SLC35F1: variants seen among roughly 807,000 people sequenced by gnomAD.
SLC35F1 encodes the protein chromosome 6 open reading frame 169.
A neutral mutation model predicts 48.7 loss-of-function variants in SLC35F1; 14 were observed. The observed-to-expected ratio is 0.29, with a 90% CI of 0.19 to 0.45. The LOEUF (loss-of-function observed/expected upper bound fraction) is 0.45. Among genes scored for constraint, SLC35F1 ranks in the 20% least tolerant of loss-of-function variants. The pLI, the probability that SLC35F1 is intolerant of heterozygous loss-of-function variation, is 1.00. For synonymous variants in SLC35F1, 190 were observed against 202.2 expected (o/e 0.94, Z 0.51); for missense variants, 404 against 500.0 (o/e 0.81, Z 1.83).
intron 1 of SLC35F1, among the ~76,000 whole-genome samples, chr6:118,017,434 G>T (rs1777337228): frequency 6.6e-6 from 1 of 152,214 alleles, no homozygotes; most frequent in Admixed American, 6.5e-5. Context: ...GCTGTTAGCA[G>T]CTAATGAAAT....
chr6:117,969,905 AG>A (rs1449452257), intron 1 of SLC35F1, among the ~76,000 whole-genome samples: 2 of 152,212 alleles, frequency 1.3e-5, no homozygotes, highest in African/African-American at 4.8e-5. Context: ...ATACATTTTT[AG>A]GGTTTTTGAT....
chr6:118,124,733 G>A (rs1328859422), intron 1 of SLC35F1, among the ~76,000 whole-genome samples: 1 of 152,096 alleles, frequency 6.6e-6, no homozygotes, highest in Non-Finnish European at 1.5e-5. Context: ...CTCCTTTTGG[G>A]TAGGACTCAA....
At chr6:118,222,073 AT>A (rs936353499) in intron 2 of SLC35F1, among the ~76,000 whole-genome samples, 5 of 151,758 alleles carry the variant, frequency 3.3e-5, no homozygotes, top group African/African-American at 7.3e-5. Context: ...ATTTTTATTC[AT>A]TTTTTTGTTG....
At chr6:117,924,359 A>G (rs1775990995) in intron 1 of SLC35F1, among the ~76,000 whole-genome samples, 1 of 133,474 alleles carries the variant, frequency 7.5e-6, no homozygotes, top group Admixed American at 7.5e-5. Context: ...ATATGTATAT[A>G]CACACATAGG....
chr6:118,266,967 T>A, intron 3 of SLC35F1, 28 bp from the exon 4 acceptor site: 1 of 1,611,076 alleles, frequency 6.2e-7, no homozygotes, highest in Non-Finnish European at 8.5e-7. Context: ...AATCTCCTGT[T>A]GTTGTTTACC....
At chr6:118,081,674 A>C (rs944683013) in intron 1 of SLC35F1, among the ~76,000 whole-genome samples, 15 of 152,118 alleles carry the variant, frequency 9.9e-5, no homozygotes, top group African/African-American at 3.6e-4. Context: ...ATACAACCTC[A>C]TCTGTTCTTT....
intron 2 of SLC35F1, among the ~76,000 whole-genome samples, chr6:118,193,821 A>C (rs1774765109): frequency 6.6e-6 from 1 of 152,212 alleles, no homozygotes; most frequent in Admixed American, 6.5e-5. Context: ...TAAAGCAGGA[A>C]AGATGAACAA....
At chr6:118,128,233 C>A in intron 1 of SLC35F1, among the ~76,000 whole-genome samples, 1 of 147,990 alleles carries the variant, frequency 6.8e-6, no homozygotes, top group South Asian at 2.2e-4. Flanking sequence ...CTAGTTCAAC[C>A]ATTGTGGAAA....
chr6:118,297,190 A>G (rs1776196920), intron 7 of SLC35F1, among the ~76,000 whole-genome samples: 1 of 152,172 alleles, frequency 6.6e-6, no homozygotes, highest in Non-Finnish European at 1.5e-5. Context: ...TTATATTATC[A>G]ATATTTTAAT....
chr6:118,291,600 A>G (rs1776123768), intron 7 of SLC35F1, among the ~76,000 whole-genome samples: 1 of 152,188 alleles, frequency 6.6e-6, no homozygotes, highest in Admixed American at 6.5e-5. Flanking sequence ...ATAAACATGA[A>G]AGGAACCAAG....
At chr6:118,107,065 A>T (rs1220346910) in intron 1 of SLC35F1, among the ~76,000 whole-genome samples, 1 of 152,194 alleles carries the variant, frequency 6.6e-6, no homozygotes, top group Non-Finnish European at 1.5e-5. Context: ...GTTTTCCCCA[A>T]TGGATGGCAA....
intron 1 of SLC35F1, among the ~76,000 whole-genome samples, chr6:117,980,846 G>A (rs1776767501): frequency 6.6e-6 from 1 of 152,186 alleles, no homozygotes; most frequent in Admixed American, 6.5e-5. Context: ...TAGGCCCAGA[G>A]AGCATTTAAG....
chr6:118,053,579 T>C (rs1772421113), intron 1 of SLC35F1, among the ~76,000 whole-genome samples: 1 of 152,228 alleles, frequency 6.6e-6, no homozygotes. Flanking sequence ...TCACCAATTA[T>C]AATCATAGTG....
chr6:118,010,084 G>C (rs972980162), intron 1 of SLC35F1, among the ~76,000 whole-genome samples: 2 of 152,238 alleles, frequency 1.3e-5, no homozygotes, highest in African/African-American at 4.8e-5. Flanking sequence ...CACTTCTATA[G>C]GTGGGAGTTG....
chr6:118,211,427 A>G (rs891655549), intron 2 of SLC35F1, among the ~76,000 whole-genome samples: 2 of 152,148 alleles, frequency 1.3e-5, no homozygotes, highest in Non-Finnish European at 2.9e-5. Flanking sequence ...CCCACATCAC[A>G]CTCATTAATT....
At chr6:118,182,964 C>A (rs1357605017) in intron 2 of SLC35F1, among the ~76,000 whole-genome samples, 1 of 152,034 alleles carries the variant, frequency 6.6e-6, no homozygotes, top group Non-Finnish European at 1.5e-5. Flanking sequence ...ATCATGATTC[C>A]TCTGTTCAAA....
At chr6:118,265,018 C>T (rs1775754606) in intron 3 of SLC35F1, among the ~76,000 whole-genome samples, 1 of 152,356 alleles carries the variant, frequency 6.6e-6, no homozygotes, top group South Asian at 2.1e-4. Flanking sequence ...CATCACAGTG[C>T]TACTTAGCAT....
At chr6:118,300,430 C>G (rs955225475) in intron 7 of SLC35F1, among the ~76,000 whole-genome samples, 2 of 152,178 alleles carry the variant, frequency 1.3e-5, no homozygotes, top group Non-Finnish European at 2.9e-5. Flanking sequence ...GTTCTTCACA[C>G]TTTTAAGTAT....
chr6:118,076,305 G>A (rs1042670440), intron 1 of SLC35F1, among the ~76,000 whole-genome samples: 16 of 152,180 alleles, frequency 1.1e-4, no homozygotes, highest in Non-Finnish European at 2.2e-4. Context: ...GAGGTGGGAA[G>A]TTTTATCTAG....
Sources: allele counts gnomAD v4.1 joint callset (sites outside exome capture counted in the v4.1 genomes callset), GRCh38; gene constraint gnomAD v4.1.1; transcripts MANE v1.5; gene names NCBI Gene and HGNC (gene_info 2026-07-23, HGNC 2026-07-21).